Variants in CNOT4 observed in about 807,000 individuals in gnomAD.
CNOT4 encodes CCR4-associated factor 4.
In CNOT4, 8 loss-of-function variants were observed where a neutral mutation model predicts 73.8. That is an observed-to-expected ratio of 0.11 (90% CI 0.06 to 0.20). The LOEUF (loss-of-function observed/expected upper bound fraction) is 0.20. Among genes scored for constraint, CNOT4 ranks in the 10% least tolerant of loss-of-function variants. The pLI, the probability that CNOT4 is intolerant of heterozygous loss-of-function variation, is 1.00. For missense variants in CNOT4, 564 were observed against 883.4 expected (o/e 0.64, Z 4.58); for synonymous variants, 293 against 321.1 (o/e 0.91, Z 0.94).
intron 10 of CNOT4, chr7:135,388,956 A>G (rs1796260118): frequency 6.6e-7 from 1 of 1,507,270 alleles, no homozygotes; most frequent in Admixed American, 1.8e-5. Flanking sequence ...GTCCCTTTAA[A>G]AATGATTTCA....
Position 135,415,325 on chromosome 7 carries a change from T to C in CNOT4, c.373-63A>G, listed in dbSNP as rs1797803435. 6.1e-6 allele frequency: 5 copies of C among 825,190 alleles called. No individual in the cohort carries two copies. In the Admixed American group the frequency reaches 8.7e-5, roughly 14 times the overall value. 51.1% of individuals were successfully genotyped at this position (825,190 alleles called of 1,614,324 possible). ...ATTTTAAACAACTTTATCCTTATAA[T>C]GGAGACATTCATCATCCCTCTTCAG... On this transcript the variant is annotated intron_variant, in intron 3 of 11. Transcript: ENST00000541284.
intron 8 of CNOT4, among the ~76,000 whole-genome samples, chr7:135,397,544 T>C (rs1205778253): frequency 3.3e-5 from 5 of 149,696 alleles, no homozygotes; most frequent in Non-Finnish European, 7.4e-5. Context: ...CGGGAGATAC[T>C]AAATTACATT....
intron 7 of CNOT4, among the ~76,000 whole-genome samples, chr7:135,401,448 CTTTT>C (rs1437231932): frequency 1.3e-5 from 2 of 152,096 alleles, no homozygotes; most frequent in African/African-American, 2.4e-5. Flanking sequence ...TTGCACAGGG[CTTTT>C]TTTATTTAAA....
At chr7:135,395,564 A>T in intron 9 of CNOT4, 70 bp downstream of exon 9, 3 of 1,468,310 alleles carry the variant, frequency 2.0e-6, no homozygotes, top group Non-Finnish European at 2.8e-6. Flanking sequence ...TCCACTAATG[A>T]GTTTCATGTT....
intron 10 of CNOT4, among the ~76,000 whole-genome samples, chr7:135,389,622 T>C (rs909073233): frequency 3.9e-5 from 6 of 152,106 alleles, no homozygotes; most frequent in South Asian, 2.1e-4. Context: ...ACAGTTCATA[T>C]AGAAACAAAG....
chr7:135,409,573 T>C (rs977143982), intron 7 of CNOT4, among the ~76,000 whole-genome samples: 1 of 152,106 alleles, frequency 6.6e-6, no homozygotes, highest in African/African-American at 2.4e-5. Flanking sequence ...GTAGTTATTA[T>C]TAGCTATGTT....
chr7:135,386,974 G>A (rs1796150542), intron 10 of CNOT4: 1 of 541,848 alleles, frequency 1.8e-6, no homozygotes, highest in Non-Finnish European at 2.4e-6. Flanking sequence ...GGCTAACACT[G>A]AATGCTGGAG....
intron 2 of CNOT4, among the ~76,000 whole-genome samples, chr7:135,426,854 T>C (rs1033048271): frequency 2.1e-5 from 3 of 146,008 alleles, no homozygotes; most frequent in South Asian, 4.3e-4. Flanking sequence ...ACCCGGGAGA[T>C]GGAGGTTGCA....
chr7:135,475,684 A>G (rs1032600212), intron 1 of CNOT4, among the ~76,000 whole-genome samples: 1 of 152,148 alleles, frequency 6.6e-6, no homozygotes, highest in African/African-American at 2.4e-5. Flanking sequence ...CCAAGGCAGG[A>G]GGACTGCTTG....
chr7:135,418,198 G>A (rs544604368), intron 3 of CNOT4, among the ~76,000 whole-genome samples: 1 of 152,302 alleles, frequency 6.6e-6, no homozygotes, highest in Admixed American at 6.5e-5. Flanking sequence ...AGGCTGCCCA[G>A]GCAAGGGAAA....
intron 10 of CNOT4, among the ~76,000 whole-genome samples, chr7:135,366,483 A>G (rs889469667): frequency 3.3e-5 from 5 of 152,232 alleles, no homozygotes; most frequent in Admixed American, 3.3e-4. Flanking sequence ...TATGTTAGCC[A>G]AAGAAATTCA....
chr7:135,425,036 G>C (rs1327913400), intron 2 of CNOT4, among the ~76,000 whole-genome samples: 1 of 152,114 alleles, frequency 6.6e-6, no homozygotes, highest in Non-Finnish European at 1.5e-5. Context: ...CCAACATTCA[G>C]GTCCATCACC....
At chr7:135,434,914 TGG>T (rs142634989) in intron 2 of CNOT4, among the ~76,000 whole-genome samples, 113 of 152,328 alleles carry the variant, frequency 7.4e-4, no homozygotes, top group Non-Finnish European at 1.2e-3. Flanking sequence ...TCTGTTTGTA[TGG>T]TGGTTCATGA....
chr7:135,494,618 TA>T (rs1253201139), intron 1 of CNOT4, among the ~76,000 whole-genome samples: 2 of 151,944 alleles, frequency 1.3e-5, no homozygotes, highest in Non-Finnish European at 2.9e-5. Flanking sequence ...GAACCTGGAA[TA>T]CATCAGGGAT....
intron 10 of CNOT4, among the ~76,000 whole-genome samples, chr7:135,374,159 C>T (rs1795387656): frequency 6.6e-6 from 1 of 152,108 alleles, no homozygotes; most frequent in East Asian, 1.9e-4. Context: ...TACTTCCTTT[C>T]CCCTTCTGCT....
intron 7 of CNOT4, among the ~76,000 whole-genome samples, chr7:135,403,015 T>C (rs1383937252): frequency 2.0e-5 from 3 of 152,200 alleles, no homozygotes; most frequent in Admixed American, 2.0e-4. Flanking sequence ...TTAGAAGGTT[T>C]AGTTTTTCTG....
chr7:135,432,793 C>T (rs1191999505), intron 2 of CNOT4, among the ~76,000 whole-genome samples: 2 of 152,190 alleles, frequency 1.3e-5, no homozygotes, highest in East Asian at 3.8e-4. Context: ...TACCGTCACA[C>T]TTAACAGTTG....
chr7:135,478,640 T>C (rs990354181), intron 1 of CNOT4, among the ~76,000 whole-genome samples: 1 of 151,940 alleles, frequency 6.6e-6, no homozygotes, highest in African/African-American at 2.4e-5. Flanking sequence ...GAGGTGGAGG[T>C]TGCAGTGAGC....
At chr7:135,384,876 T>C in intron 10 of CNOT4, 1 of 632,642 alleles carries the variant, frequency 1.6e-6, no homozygotes, top group African/African-American at 1.8e-5. Context: ...GCTGCATACA[T>C]ATTCTTGACA....
Sources: gnomAD v4.1 joint callset for allele counts (sites outside exome capture counted in the v4.1 genomes callset) on GRCh38, gnomAD v4.1.1 for gene constraint, MANE v1.5 for transcripts, NCBI Gene and HGNC (gene_info 2026-07-23, HGNC 2026-07-21) for gene names.